The following FBN1 variants were observed in gnomAD, a reference collection of about 807,000 sequenced individuals.
FBN1 encodes the protein fibrillin-1.
A neutral mutation model predicts 365.1 loss-of-function variants in FBN1; 29 were observed. The observed-to-expected ratio is 0.08, with a 90% confidence interval of 0.06 to 0.11. FBN1 has a LOEUF of 0.11. Ranked by LOEUF, FBN1 falls within the 10% of genes least tolerant of loss-of-function variation. The pLI is 1.00. For synonymous variants in FBN1, 1,210 were observed against 1,270.5 expected (o/e 0.95, Z 1.01); for missense variants, 2,476 against 3,703.2 (o/e 0.67, Z 8.60).
chr15:48,428,044 T>A lies in FBN1; in HGVS notation c.6998-271A>T, dbSNP rs963865952. 10 of 668,102 alleles carry A rather than the reference T, an allele frequency of 1.5e-5. No individual in the cohort carries two copies. The Admixed American group carries it at 1.9e-4, about 13-fold the overall frequency. The allele number at this position is 668,102 out of a possible 1,614,324, so 41.4% of individuals were successfully genotyped here. A position where few individuals can be genotyped will look rare whatever the true frequency, so the allele number is the denominator to read the frequency against. ...TCCCAGAAATACAGGGGAATAGCCATGCTTACAGACAGAGGGGCAGAGAAA... is the reference window on the plus strand; with the variant it reads ...TCCCAGAAATACAGGGGAATAGCCAAGCTTACAGACAGAGGGGCAGAGAAA... On this transcript the variant is annotated intron_variant, in intron 57 of 65. Transcript: ENST00000316623.
intron 6 of FBN1, among the ~76,000 whole-genome samples, chr15:48,567,931 A>G (rs1393803648): frequency 1.3e-5 from 2 of 151,596 alleles, no homozygotes; most frequent in Non-Finnish European, 2.9e-5. Context: ...TGTTACTTCT[A>G]TTGAACATTG....
At chr15:48,545,055 C>T (rs1703218456) in intron 6 of FBN1, among the ~76,000 whole-genome samples, 1 of 152,148 alleles carries the variant, frequency 6.6e-6, no homozygotes, top group South Asian at 2.1e-4. Context: ...TGAAGTTTGA[C>T]CACAGAGCAT....
At chr15:48,430,864 T>C in intron 55 of FBN1, 62 bp from the exon 56 acceptor site, 3 of 1,546,084 alleles carry the variant, frequency 1.9e-6, no homozygotes, top group Non-Finnish European at 1.8e-6. Flanking sequence ...CTTAATTACC[T>C]GACTTTTAAA....
rs1047633779 is a variant in FBN1 at position 48,430,774 on chromosome 15, A to G, written c.6768T>C (p.His2256=). 12 of 1,613,768 alleles carry G rather than the reference A, an allele frequency of 7.4e-6. No homozygotes were observed. The highest frequency in any genetic ancestry group is 1.3e-5 in the African/African-American group (1 of 74,904). The change falls in exon 56 of 66, where the codon CAT becomes CAC. Residue 2256 remains histidine, a synonymous_variant. Coordinates refer to ENST00000316623, the MANE Select transcript of FBN1 (RefSeq NM_000138.5). The stretch of plus-strand genomic sequence containing the variant: ...ATTCCATTTGTTTTTCAGTACAGTC[A>G]TGTTTTCCCTCTTCACACTCATCCT... ...KDEDECEEGK[H]DCTEKQMECK... is the part of the protein sequence containing the mutation.
At position 48,467,939 on chromosome 15, in the gene FBN1, T is replaced by C. The variant is rs794727601; in HGVS notation, c.4746A>G (p.Thr1582=). ...TPCEMCPAVN[T]SEYKILCPGG... ...ATAAATAGGAGGATGTCCACTTACA[T>C]GTGTTCACAGCAGGACACATCTCAC... The change falls in exon 38 of 66, where the codon ACA becomes ACG. Residue 1582 remains threonine (T), a splice_region_variant and synonymous_variant. Transcript: ENST00000316623. 13 of 1,613,232 alleles carry C rather than the reference T, an allele frequency of 8.1e-6. No homozygotes were observed. The Admixed American group carries it at 1.8e-4, about 23-fold the overall frequency.
At position 48,546,861 on chromosome 15, in the gene FBN1, C is replaced by T. The variant is rs886646784; in HGVS notation, c.539-9053G>A. 7.9e-5 allele frequency among the ~76,000 whole-genome samples: 12 copies of T among 152,022 alleles called. 1 individual carries two copies. Among genetic ancestry groups the T allele is most frequent in the Non-Finnish European group, 1.6e-4 (11 of 68,006 alleles). On this transcript the variant is annotated intron_variant, in intron 6 of 65. Coordinates refer to ENST00000316623, the MANE Select transcript of FBN1 (RefSeq NM_000138.5). ...ACGTGTGGATGGATCAGATGGGAAG[C>T]GTGAGGGAAACCGGAAGGCTCCCGG... is the stretch of plus-strand genomic sequence containing the variant.
intron 6 of FBN1, among the ~76,000 whole-genome samples, chr15:48,549,502 T>C (rs961065217): frequency 6.6e-6 from 1 of 152,234 alleles, no homozygotes; most frequent in Non-Finnish European, 1.5e-5. Flanking sequence ...AGCCCTGCTA[T>C]AGTACCTGCC....
At chr15:48,549,235 A>T (rs975682533) in intron 6 of FBN1, among the ~76,000 whole-genome samples, 7 of 152,248 alleles carry the variant, frequency 4.6e-5, no homozygotes, top group African/African-American at 1.7e-4. Context: ...CATAAATCAC[A>T]TCTGCAAGTT....
chr15:48,591,555 G>A lies in FBN1; in HGVS notation c.538+4728C>T, dbSNP rs79071591. Reference sequence around the variant, plus strand: ...TCTCTTTCCAAGAGCAGATTCGTACGTTGAAATCAATCAAATAGAGGAATA... The same window carrying A: ...TCTCTTTCCAAGAGCAGATTCGTACATTGAAATCAATCAAATAGAGGAATA... On this transcript the variant is annotated intron_variant, in intron 6 of 65. Coordinates refer to ENST00000316623, the MANE Select transcript of FBN1 (RefSeq NM_000138.5). Among the ~76,000 whole-genome samples the A allele has an allele frequency of 6.5e-3, 995 of 152,294 alleles. 12 individuals carry two copies. The highest frequency in any genetic ancestry group is 0.023 in the African/African-American group (942 of 41,556).
At position 48,421,680 on chromosome 15, in the gene FBN1, T is replaced by C. The variant is rs794728336; in HGVS notation, c.7577A>G (p.Asn2526Ser). 6.2e-7 allele frequency: 1 copy of C among 1,613,676 alleles called. No homozygotes were observed. The highest frequency in any genetic ancestry group is 8.5e-7 in the Non-Finnish European group (1 of 1,179,890). Reference sequence around the variant, plus strand: ...CAGATTGATGTCAGAGGTGCATTCATTGTTATCTATGAGAAGCAGTGGGGG... The same window carrying C: ...CAGATTGATGTCAGAGGTGCATTCACTGTTATCTATGAGAAGCAGTGGGGG... ...TQHHTSCIDN[N>S]ECTSDINLCG... The change falls in exon 62 of 66, where the codon AAT becomes AGT. Residue 2526 changes from asparagine (N) to serine (S), a missense_variant. This residue lies in a region of FBN1 where 1,780 missense variants were observed against 2,840.8 expected (regional missense o/e 0.63). Coordinates refer to ENST00000316623, the MANE Select transcript of FBN1 (RefSeq NM_000138.5).
chr15:48,508,370 A>G (rs1295318496), intron 15 of FBN1, among the ~76,000 whole-genome samples: 3 of 152,238 alleles, frequency 2.0e-5, no homozygotes, highest in Non-Finnish European at 2.9e-5. Context: ...GAAGACCTCA[A>G]ATACCCTTTC....
intron 6 of FBN1, among the ~76,000 whole-genome samples, chr15:48,586,791 T>G (rs958254909): frequency 6.6e-6 from 1 of 152,180 alleles, no homozygotes; most frequent in Non-Finnish European, 1.5e-5. Context: ...ATACATGGAT[T>G]CAAAACATCT....
intron 10 of FBN1, among the ~76,000 whole-genome samples, chr15:48,518,208 T>C (rs996680954): frequency 6.6e-6 from 1 of 152,210 alleles, no homozygotes; most frequent in African/African-American, 2.4e-5. Context: ...CCAACAGTGA[T>C]TCTTCCTATA....
chr15:48,584,280 T>C (rs993757818), intron 6 of FBN1, among the ~76,000 whole-genome samples: 2 of 152,216 alleles, frequency 1.3e-5, no homozygotes, highest in African/African-American at 4.8e-5. Flanking sequence ...TGCAGTAACT[T>C]GCTCAAGGCC....
intron 29 of FBN1, among the ~76,000 whole-genome samples, chr15:48,485,709 G>C (rs1468829149): frequency 1.3e-5 from 2 of 152,052 alleles, no homozygotes; most frequent in East Asian, 1.9e-4. Flanking sequence ...TTTCACCCTC[G>C]TGCTTTCTTC....
At chr15:48,523,711 G>GT (rs2043881072) in intron 9 of FBN1, among the ~76,000 whole-genome samples, 1 of 62,464 alleles carries the variant, frequency 1.6e-5, no homozygotes, top group Non-Finnish European at 2.9e-5. Flanking sequence ...AAGGGTGGCT[G>GT]GGGGGGGGGG....
intron 48 of FBN1, among the ~76,000 whole-genome samples, chr15:48,445,075 A>G (rs1221915239): frequency 6.7e-6 from 1 of 149,630 alleles, no homozygotes; most frequent in East Asian, 1.9e-4. Flanking sequence ...TGAGTACAAT[A>G]GCTTAATTTT....
At chr15:48,558,215 C>G (rs2044196883) in intron 6 of FBN1, among the ~76,000 whole-genome samples, 1 of 152,210 alleles carries the variant, frequency 6.6e-6, no homozygotes, top group African/African-American at 2.4e-5. Context: ...TCAGCCATTT[C>G]CTATCCCAGA....
At chr15:48,522,393 TC>T (rs1181402338) in intron 9 of FBN1, among the ~76,000 whole-genome samples, 1 of 152,170 alleles carries the variant, frequency 6.6e-6, no homozygotes, top group Non-Finnish European at 1.5e-5. Context: ...TGTACTTGAA[TC>T]ATCCTGAAAC....
Sources: allele counts gnomAD v4.1 joint callset (sites outside exome capture counted in the v4.1 genomes callset), GRCh38; gene constraint gnomAD v4.1.1; regional missense constraint gnomAD v4.1.1; transcripts MANE v1.5; gene names NCBI Gene and HGNC (gene_info 2026-07-23, HGNC 2026-07-21).